Variants in LEPROT observed in about 807,000 individuals in gnomAD.
The protein encoded by LEPROT is leptin receptor overlapping transcript, also known as leptin receptor gene-related protein.
A neutral mutation model predicts 15.4 loss-of-function variants in LEPROT; 3 were observed. That is an observed-to-expected ratio of 0.19 (90% confidence interval 0.09 to 0.50). The LOEUF is 0.50. Ranked by LOEUF, LEPROT falls within the 20% of genes least tolerant of loss-of-function variation. LEPROT has a pLI of 0.97. For missense variants in LEPROT, 137 were observed against 162.2 expected (o/e 0.84, Z 0.84); for synonymous variants, 59 against 57.5 (o/e 1.03, Z -0.12).
Position 65,432,440 on chromosome 1 carries a change from AAGGAGTTGTATGC to A in LEPROT, c.*523_*535del. 3.0e-6 allele frequency: 2 copies of A among 668,500 alleles called. No homozygotes were observed. Among genetic ancestry groups the A allele is most frequent in the Non-Finnish European group, 3.7e-6 (2 of 540,280 alleles). 41.4% of individuals were successfully genotyped at this position (668,500 alleles called of 1,614,324 possible). On this transcript the variant is annotated 3_prime_UTR_variant, in exon 4 of 4. Coordinates refer to ENST00000371065, the MANE Select transcript of LEPROT (RefSeq NM_017526.5). ...ACCCAGGACATTTTGATGAGATCCAAAGGAGTTGTATGCACATGAAAGTTTGAGAAGCATCATC... is the reference window on the plus strand; with the variant it reads ...ACCCAGGACATTTTGATGAGATCCAAACATGAAAGTTTGAGAAGCATCATC...
At chr1:65,431,359 A>G (rs1646481870) in intron 3 of LEPROT, among the ~76,000 whole-genome samples, 1 of 152,254 alleles carries the variant, frequency 6.6e-6, no homozygotes, top group African/African-American at 2.4e-5. Context: ...TAAGCTGGAA[A>G]GCAGTTTTCA....
chr1:65,433,096 G>T lies in LEPROT; in HGVS notation c.*1177G>T. 1 of 985,372 alleles carries T rather than the reference G, an allele frequency of 1.0e-6. No homozygotes were observed. Among genetic ancestry groups the T allele is most frequent in the Non-Finnish European group, 1.2e-6 (1 of 829,918 alleles). The allele number at this position is 985,372 out of a possible 1,614,324, so 61.0% of individuals were successfully genotyped here. ...AGCCAGCCCCTGCGTTAGCAGGAGGGGGAGAACAGATAGGTAACTCTTTTA... is the reference window on the plus strand; with the variant it reads ...AGCCAGCCCCTGCGTTAGCAGGAGGTGGAGAACAGATAGGTAACTCTTTTA... On this transcript the variant is annotated 3_prime_UTR_variant, in exon 4 of 4. Transcript: ENST00000371065.
At chr1:65,431,748 A>G in intron 3 of LEPROT, 55 bp from the exon 4 acceptor site, 1 of 1,557,508 alleles carries the variant, frequency 6.4e-7, no homozygotes, top group Non-Finnish European at 8.7e-7. Context: ...TAGGGATTGC[A>G]AAGAGTACAA....
rs1165744154 is a variant in LEPROT, at chr1:65,433,996, A to G, written c.*2077A>G. 15 of 985,258 alleles carry G rather than the reference A, an allele frequency of 1.5e-5. No homozygotes were observed. The highest frequency in any genetic ancestry group is 1.7e-5 in the Non-Finnish European group (14 of 829,868). 61.0% of individuals were successfully genotyped at this position (985,258 alleles called of 1,614,324 possible). On this transcript the variant is annotated 3_prime_UTR_variant, in exon 4 of 4. Coordinates refer to ENST00000371065, the MANE Select transcript of LEPROT (RefSeq NM_017526.5). ...AATAGCTTTTCTTTCTAAGATGGCA[A>G]TAATGATTCATTTCTACTACATTTT...
At chr1:65,422,030 A>G (rs1646261004) in intron 1 of LEPROT, among the ~76,000 whole-genome samples, 1 of 152,212 alleles carries the variant, frequency 6.6e-6, no homozygotes, top group Non-Finnish European at 1.5e-5. Context: ...TTACTATGTC[A>G]GTGTTTATGT....
At chr1:65,424,968 C>T (rs1646330488) in intron 1 of LEPROT, among the ~76,000 whole-genome samples, 1 of 152,188 alleles carries the variant, frequency 6.6e-6, no homozygotes, top group Non-Finnish European at 1.5e-5. Flanking sequence ...ATAATGCAGT[C>T]TGTAACGGGT....
chr1:65,429,844 C>T lies in LEPROT; in HGVS notation c.93-18C>T, dbSNP rs1646451976. 2 of 1,399,282 alleles carry T rather than the reference C, an allele frequency of 1.4e-6. No homozygotes were observed. The highest frequency in any genetic ancestry group is 1.9e-6 in the Non-Finnish European group (2 of 1,062,090). 86.7% of individuals were successfully genotyped at this position (1,399,282 alleles called of 1,614,324 possible). A position where few individuals can be genotyped will look rare whatever the true frequency, so the allele number is the denominator to read the frequency against. ...CTGTTACTTTTCTTTTTGGATTTTG[C>T]CTGGGTCCAACTGACAGCGTTTACT... On this transcript the variant is annotated intron_variant, in intron 2 of 3. Coordinates refer to ENST00000371065, the MANE Select transcript of LEPROT (RefSeq NM_017526.5).
chr1:65,420,673 G>A lies in LEPROT; in HGVS notation c.-52G>A. On this transcript the variant is annotated 5_prime_UTR_variant, in exon 1 of 4. Coordinates refer to ENST00000371065, the MANE Select transcript of LEPROT (RefSeq NM_017526.5). ...ACTCCCGGTCTGGCTTGGGCAGGCT[G>A]CCCGGGCCGTGGCAGGAAGCCGGAA... 1 of 1,560,168 alleles carries A rather than the reference G, an allele frequency of 6.4e-7. No individual in the cohort carries two copies. The highest frequency in any genetic ancestry group is 2.0e-5 in the Admixed American group (1 of 51,208).
chr1:65,423,803 G>A (rs922857969), intron 1 of LEPROT, among the ~76,000 whole-genome samples: 6 of 152,142 alleles, frequency 3.9e-5, no homozygotes, highest in Admixed American at 6.5e-5. Flanking sequence ...CTAATTATGA[G>A]TATTATGGAC....
At chr1:65,421,493 A>G in intron 1 of LEPROT, 1 of 1,535,900 alleles carries the variant, frequency 6.5e-7, no homozygotes, top group South Asian at 1.2e-5. Context: ...TCTGTCGAAT[A>G]GAGTAGCATG....
At chr1:65,425,641 C>T (rs1646347070) in intron 2 of LEPROT, among the ~76,000 whole-genome samples, 1 of 114,234 alleles carries the variant, frequency 8.8e-6, no homozygotes. Context: ...GAGTCCTGTC[C>T]TCAAAGAGGA....
rs781413123 is a variant in LEPROT at position 65,430,019 on chromosome 1, T to G, written c.250T>G (p.Phe84Val). Residue 84 changes from phenylalanine (F) to valine (V), a missense_variant, in exon 3 of 4, where the codon TTT becomes GTT. Transcript: ENST00000371065. ...TGGAATTGTTGTTTCTGCCTTTGGA[T>G]TTCCTGTTATTCTTGCTCGTGTGGC... is the stretch of plus-strand genomic sequence containing the variant. The part of the protein sequence containing the change: ...TTGIVVSAFG[F>V]PVILARVAVI... 2 of 1,565,884 alleles carry G rather than the reference T, an allele frequency of 1.3e-6. No homozygotes were observed. The highest frequency in any genetic ancestry group is 8.7e-7 in the Non-Finnish European group (1 of 1,144,228).
In LEPROT at chr1:65,433,070, G is replaced by C. The variant is rs186487517; in HGVS notation, c.*1151G>C. 5.1e-6 allele frequency: 5 copies of C among 985,380 alleles called. No homozygotes were observed. Among genetic ancestry groups the C allele is most frequent in the Non-Finnish European group, 6.0e-6 (5 of 829,932 alleles). 61.0% of individuals were successfully genotyped at this position (985,380 alleles called of 1,614,324 possible). A position where few individuals can be genotyped will look rare whatever the true frequency, so the allele number is the denominator to read the frequency against. ...AGATGCGGGCAGGGAGGCTGGGCTC[G>C]AGCCAGCCCCTGCGTTAGCAGGAGG... On this transcript the variant is annotated 3_prime_UTR_variant, in exon 4 of 4. Coordinates refer to ENST00000371065, the MANE Select transcript of LEPROT (RefSeq NM_017526.5).
At chr1:65,430,168 A>G (rs1458763356) in intron 3 of LEPROT, 120 bp downstream of exon 3, 7 of 868,442 alleles carry the variant, frequency 8.1e-6, no homozygotes, top group Non-Finnish European at 1.1e-5. Context: ...GTGTGTTTTT[A>G]GTTTCTCTGT....
Position 65,430,037 on chromosome 1 carries a change from C to G in LEPROT, c.268C>G (p.Arg90Gly), listed in dbSNP as rs746314508. Residue 90 changes from arginine to glycine, a missense_variant, in exon 3 of 4, where the codon CGT becomes GGT. Physicochemically the swap from Arg to Gly is moderately radical, Grantham distance 125. Transcript: ENST00000371065. ...SAFGFPVILA[R>G]VAVIKWGACG... ...CTTTGGATTTCCTGTTATTCTTGCTCGTGTGGCTGTGGTAAGTTTTATTTT... is the reference window on the plus strand; with the variant it reads ...CTTTGGATTTCCTGTTATTCTTGCTGGTGTGGCTGTGGTAAGTTTTATTTT... 4 of 1,556,434 alleles carry G rather than the reference C, an allele frequency of 2.6e-6. No homozygotes were observed. In the Admixed American group the frequency reaches 6.8e-5, roughly 27 times the overall value.
rs554831303 is a variant in LEPROT at position 65,432,586 on chromosome 1, C to T, written c.*667C>T. 3.6e-4 allele frequency: 355 copies of T among 974,548 alleles called. No individual in the cohort carries two copies. The highest frequency in any genetic ancestry group is 4.1e-4 in the Non-Finnish European group (339 of 820,760). 60.4% of individuals were successfully genotyped at this position (974,548 alleles called of 1,614,324 possible). A position where few individuals can be genotyped will look rare whatever the true frequency, so the allele number is the denominator to read the frequency against. On this transcript the variant is annotated 3_prime_UTR_variant, in exon 4 of 4. Coordinates refer to ENST00000371065, the MANE Select transcript of LEPROT (RefSeq NM_017526.5). ...TTGTTTAAAAAAAAAAAAAAAGTCT[C>T]ACCTGCTTTCATGCTGAGGACAAGT...
Position 65,433,119 on chromosome 1 carries a change from T to C in LEPROT, c.*1200T>C. 2 of 985,386 alleles carry C rather than the reference T, an allele frequency of 2.0e-6. No individual in the cohort carries two copies. The highest frequency in any genetic ancestry group is 2.4e-6 in the Non-Finnish European group (2 of 829,940). 61.0% of individuals were successfully genotyped at this position (985,386 alleles called of 1,614,324 possible). ...GGGGGAGAACAGATAGGTAACTCTT[T>C]TACATTTCCTTTATGATCTGGCACT... On this transcript the variant is annotated 3_prime_UTR_variant, in exon 4 of 4. Transcript: ENST00000371065.
Position 65,435,986 on chromosome 1 carries a change from A to G in LEPROT, c.*4067A>G, listed in dbSNP as rs1570444699. On this transcript the variant is annotated 3_prime_UTR_variant, in exon 4 of 4. Transcript: ENST00000371065. ...TGAGAGGACGATTACTTTGTAAATAAAACTTGTTATTGACATTTTAACAAA... is the reference window on the plus strand; with the variant it reads ...TGAGAGGACGATTACTTTGTAAATAGAACTTGTTATTGACATTTTAACAAA... 1 of 984,892 alleles carries G rather than the reference A, an allele frequency of 1.0e-6. No homozygotes were observed. The highest frequency in any genetic ancestry group is 1.2e-6 in the Non-Finnish European group (1 of 829,414). The allele number at this position is 984,892 out of a possible 1,614,324, so 61.0% of individuals were successfully genotyped here.
intron 2 of LEPROT, among the ~76,000 whole-genome samples, chr1:65,427,204 A>G (rs1427769492): frequency 6.6e-6 from 1 of 152,214 alleles, no homozygotes; most frequent in Non-Finnish European, 1.5e-5. Flanking sequence ...GGAATGTAAT[A>G]CGGTATTATT....
Sources: allele counts gnomAD v4.1 joint callset (sites outside exome capture counted in the v4.1 genomes callset), GRCh38; gene constraint gnomAD v4.1.1; transcripts MANE v1.5; gene names NCBI Gene and HGNC (gene_info 2026-07-23, HGNC 2026-07-21).